SYT9: variants seen among roughly 807,000 people sequenced by gnomAD.
SYT9 encodes synaptotagmin 9, also known as synaptotagmin-9.
A neutral mutation model predicts 48.4 loss-of-function variants in SYT9; 22 were observed. The ratio of observed to expected loss-of-function variants is 0.45; its 90% CI spans 0.32 to 0.65. The LOEUF (loss-of-function observed/expected upper bound fraction) is 0.65. Ranked by LOEUF, SYT9 falls within the 30% of genes least tolerant of loss-of-function variation. SYT9 has a pLI of 0.03. For missense variants in SYT9, 577 were observed against 622.0 expected (o/e 0.93, Z 0.77); for synonymous variants, 265 against 245.0 (o/e 1.08, Z -0.76).
chr11:7,316,892 G>A (rs1849253050), intron 3 of SYT9, among the ~76,000 whole-genome samples: 1 of 152,198 alleles, frequency 6.6e-6, no homozygotes, highest in African/African-American at 2.4e-5. Context: ...CTCTTGATAT[G>A]TTTATTGGTC....
intron 3 of SYT9, among the ~76,000 whole-genome samples, chr11:7,359,086 T>C (rs1233818856): frequency 1.4e-5 from 2 of 148,036 alleles, no homozygotes; most frequent in African/African-American, 5.0e-5. Context: ...CACCTATGAG[T>C]GAGAATATGC....
chr11:7,277,003 G>A (rs1479326726), intron 1 of SYT9, among the ~76,000 whole-genome samples: 1 of 152,022 alleles, frequency 6.6e-6, no homozygotes, highest in East Asian at 1.9e-4. Context: ...GCAGTGAGCC[G>A]AGATCGCGCC....
chr11:7,391,777 G>GTGGTGGCA (rs1470980801), intron 3 of SYT9, among the ~76,000 whole-genome samples: 1 of 102,164 alleles, frequency 9.8e-6, no homozygotes, highest in African/African-American at 3.1e-5. Flanking sequence ...CTAGCTAGGC[G>GTGGTGGCA]TGGTGGCATA....
chr11:7,391,695 G>A (rs547841114), intron 3 of SYT9, among the ~76,000 whole-genome samples: 12 of 126,978 alleles, frequency 9.5e-5, no homozygotes, highest in Non-Finnish European at 1.4e-4. Context: ...GAGCCCAGGA[G>A]TTTGAGACCA....
chr11:7,315,145 G>C (rs892326960), intron 3 of SYT9, among the ~76,000 whole-genome samples: 2 of 152,218 alleles, frequency 1.3e-5, no homozygotes, highest in Non-Finnish European at 2.9e-5. Context: ...AAGAAAGAAA[G>C]GAGTTGGAGC....
chr11:7,253,774 A>G (rs147855603), intron 1 of SYT9, among the ~76,000 whole-genome samples: 1 of 152,348 alleles, frequency 6.6e-6, no homozygotes, highest in East Asian at 1.9e-4. Context: ...TGTGCTGAAT[A>G]AACCACAGTC....
intron 6 of SYT9, among the ~76,000 whole-genome samples, chr11:7,432,582 A>ATATATATAT (rs1564902063): frequency 2.8e-4 from 1 of 3,512 alleles, no homozygotes; most frequent in Non-Finnish European, 5.6e-4. Flanking sequence ...AAAAAAAAAA[A>ATATATATAT]ATATATATAC....
At chr11:7,282,911 C>A (rs1413728551) in intron 1 of SYT9, among the ~76,000 whole-genome samples, 1 of 149,214 alleles carries the variant, frequency 6.7e-6, no homozygotes, top group Non-Finnish European at 1.5e-5. Flanking sequence ...CGTGTTAAAA[C>A]ACACACACAC....
At chr11:7,355,568 T>C (rs1285121362) in intron 3 of SYT9, among the ~76,000 whole-genome samples, 4 of 152,186 alleles carry the variant, frequency 2.6e-5, no homozygotes, top group Non-Finnish European at 2.9e-5. Context: ...CCCACCTTCT[T>C]CCATAAGCTT....
At position 7,252,604 on chromosome 11, in the gene SYT9, C is replaced by T. The variant is rs1263958744; in HGVS notation, c.145+273C>T. ...GCCACCTGCGCTCCCATCGCCAAGG[C>T]TCCTGGGGGCGGCTCCCTAGCTCCG... is the stretch of plus-strand genomic sequence containing the variant. On this transcript the variant is annotated intron_variant, in intron 1 of 6. Transcript: ENST00000318881. The surrounding 1 kb of genome is among the most constrained non-coding windows in gnomAD (Gnocchi z 6.3). Among the ~76,000 whole-genome samples the T allele has an allele frequency of 6.6e-6, 1 of 152,226 alleles. No individual in the cohort carries two copies. The highest frequency in any genetic ancestry group is 1.5e-5 in the Non-Finnish European group (1 of 68,040).
Position 7,251,961 on chromosome 11 carries a change from G to C in SYT9, c.-226G>C, listed in dbSNP as rs1449957745. 1.6e-5 allele frequency: 7 copies of C among 441,978 alleles called. No homozygotes were observed. Among genetic ancestry groups the C allele is most frequent in the African/African-American group, 2.1e-5 (1 of 48,430 alleles). The allele number at this position is 441,978 out of a possible 1,614,324, so 27.4% of individuals were successfully genotyped here. ...TGTCTGGGGAGGGACGGAGGGACCG[G>C]GCGGGAGAGAGAGAAAGCCTGACCG... On this transcript the variant is annotated 5_prime_UTR_variant, in exon 1 of 7. Transcript: ENST00000318881.
intron 1 of SYT9, among the ~76,000 whole-genome samples, chr11:7,297,020 C>T (rs1021017678): frequency 3.3e-5 from 5 of 151,916 alleles, no homozygotes; most frequent in African/African-American, 1.2e-4. Flanking sequence ...CACACACAAT[C>T]ATCTGAGGAT....
intron 1 of SYT9, among the ~76,000 whole-genome samples, chr11:7,254,555 A>G: frequency 6.6e-6 from 1 of 152,184 alleles, no homozygotes; most frequent in East Asian, 1.9e-4. Context: ...TGCACCACAC[A>G]ACGCCGTGTG....
At chr11:7,436,118 G>C (rs1000743554) in intron 6 of SYT9, 3 of 152,246 alleles carry the variant, frequency 2.0e-5, no homozygotes, top group Admixed American at 6.5e-5. Flanking sequence ...TTTTAGAGAG[G>C]AGGGCTTGGA....
intron 3 of SYT9, among the ~76,000 whole-genome samples, chr11:7,360,513 CCT>C (rs921118910): frequency 2.0e-5 from 3 of 152,106 alleles, no homozygotes; most frequent in Non-Finnish European, 2.9e-5. Flanking sequence ...TTGTTTGTAT[CCT>C]CTTTAATTTC....
chr11:7,324,459 T>A (rs1849391908), intron 3 of SYT9, among the ~76,000 whole-genome samples: 2 of 151,892 alleles, frequency 1.3e-5, no homozygotes, highest in Non-Finnish European at 2.9e-5. Context: ...TTGATATTTT[T>A]AATAATTACT....
chr11:7,313,360 G>A, intron 2 of SYT9, 35 bp from the exon 3 acceptor site: 1 of 1,566,118 alleles, frequency 6.4e-7, no homozygotes, highest in Non-Finnish European at 8.6e-7. Flanking sequence ...AGCTAATAAG[G>A]TTATAACTTT....
chr11:7,413,190 C>A (rs927145819), intron 3 of SYT9, among the ~76,000 whole-genome samples: 1 of 152,186 alleles, frequency 6.6e-6, no homozygotes, highest in Admixed American at 6.5e-5. Flanking sequence ...ATGTGATTTG[C>A]TCATGCCTCA....
chr11:7,311,737 C>T (rs1849137632), intron 2 of SYT9, among the ~76,000 whole-genome samples: 1 of 152,218 alleles, frequency 6.6e-6, no homozygotes, highest in South Asian at 2.1e-4. Flanking sequence ...AGGGCTGGCA[C>T]CAGCCTATTC....
Sources: allele counts gnomAD v4.1 joint callset (sites outside exome capture counted in the v4.1 genomes callset), GRCh38; gene constraint gnomAD v4.1.1; non-coding constraint Gnocchi (gnomAD v3.1); transcripts MANE v1.5; gene names NCBI Gene and HGNC (gene_info 2026-07-23, HGNC 2026-07-21).